The following UTRN variants were observed in gnomAD, a reference collection of about 807,000 sequenced individuals.
UTRN encodes dystrophin-related protein 1.
In UTRN, 283 loss-of-function variants were observed where a neutral mutation model predicts 463.9. The observed-to-expected ratio is 0.61, with a 90% CI of 0.55 to 0.67. UTRN has a LOEUF of 0.67. Ranked by LOEUF, UTRN falls within the 30% of genes least tolerant of loss-of-function variation. The pLI is 0.00. For synonymous variants in UTRN, 1,442 were observed against 1,431.5 expected (o/e 1.01, Z -0.17); for missense variants, 3,922 against 4,084.3 (o/e 0.96, Z 1.08).
At chr6:144,318,515 G>A (rs562291199) in intron 2 of UTRN, among the ~76,000 whole-genome samples, 2 of 152,158 alleles carry the variant, frequency 1.3e-5, no homozygotes, top group South Asian at 4.2e-4. Flanking sequence ...CCAGGCTGGA[G>A]TGCAGTGGCG....
chr6:144,427,626 T>C (rs1288235658), intron 7 of UTRN, among the ~76,000 whole-genome samples: 2 of 152,236 alleles, frequency 1.3e-5, no homozygotes, highest in African/African-American at 2.4e-5. Context: ...TTTAGTGTTT[T>C]ACCATAAGAA....
At chr6:144,603,959 G>A (rs1804543202) in intron 51 of UTRN, among the ~76,000 whole-genome samples, 1 of 152,154 alleles carries the variant, frequency 6.6e-6, no homozygotes, top group Admixed American at 6.5e-5. Context: ...TTGAATTATA[G>A]GGGTGTGTTT....
intron 2 of UTRN, among the ~76,000 whole-genome samples, chr6:144,374,330 G>T (rs569427728): frequency 2.0e-5 from 3 of 152,128 alleles, no homozygotes; most frequent in Middle Eastern, 3.4e-3. Flanking sequence ...GAGACAAAAA[G>T]AGCATGGATG....
intron 2 of UTRN, among the ~76,000 whole-genome samples, chr6:144,332,607 G>A (rs1776415153): frequency 6.6e-6 from 1 of 151,938 alleles, no homozygotes; most frequent in South Asian, 2.1e-4. Flanking sequence ...TGAATATATA[G>A]GGAAGAGAGA....
chr6:144,503,652 G>A (rs1044891508), intron 34 of UTRN, among the ~76,000 whole-genome samples: 3 of 152,106 alleles, frequency 2.0e-5, no homozygotes, highest in African/African-American at 7.2e-5. Context: ...GGTTACTGTA[G>A]CCTGATAGTG....
intron 2 of UTRN, among the ~76,000 whole-genome samples, chr6:144,341,450 A>C (rs1226600045): frequency 6.6e-6 from 1 of 152,070 alleles, no homozygotes; most frequent in African/African-American, 2.4e-5. Flanking sequence ...TAAGGTCTGA[A>C]AAAAAAAGAT....
intron 51 of UTRN, among the ~76,000 whole-genome samples, chr6:144,674,764 G>A (rs1781424842): frequency 6.6e-6 from 1 of 152,056 alleles, no homozygotes; most frequent in Admixed American, 6.5e-5. Context: ...TCACCATGTT[G>A]CCCAGGCAGG....
intron 51 of UTRN, among the ~76,000 whole-genome samples, chr6:144,634,699 C>A (rs1489290582): frequency 6.6e-6 from 1 of 152,174 alleles, no homozygotes; most frequent in African/African-American, 2.4e-5. Flanking sequence ...TTCTCCCTAG[C>A]TGCTGGAAAC....
chr6:144,701,173 C>T (rs757132783), intron 53 of UTRN, among the ~76,000 whole-genome samples: 2 of 152,150 alleles, frequency 1.3e-5, no homozygotes, highest in Non-Finnish European at 2.9e-5. Flanking sequence ...TCCCAAAGTG[C>T]TGGGATTACA....
intron 68 of UTRN, 65 bp downstream of exon 68, chr6:144,827,741 T>C: frequency 6.6e-7 from 1 of 1,520,324 alleles, no homozygotes; most frequent in Non-Finnish European, 9.0e-7. Context: ...GTCTAATTAA[T>C]CTAATATCAT....
chr6:144,635,530 CTTTTCTTTT>C (rs1777065798), intron 51 of UTRN, among the ~76,000 whole-genome samples: 3 of 59,094 alleles, frequency 5.1e-5, no homozygotes, highest in East Asian at 8.6e-4. Context: ...TTTTTTTTTT[CTTTTCTTTT>C]TTTTTTTTTT....
intron 53 of UTRN, among the ~76,000 whole-genome samples, chr6:144,729,724 T>C (rs1305223168): frequency 6.6e-6 from 1 of 152,238 alleles, no homozygotes; most frequent in Non-Finnish European, 1.5e-5. Context: ...AGAGAAACTA[T>C]TCTGAGAATC....
chr6:144,754,070 C>G (rs942277264), intron 56 of UTRN, among the ~76,000 whole-genome samples: 11 of 152,080 alleles, frequency 7.2e-5, no homozygotes, highest in African/African-American at 2.4e-4. Flanking sequence ...CTCTATCCTT[C>G]TAACTATCCA....
rs552901729 is a variant in UTRN, at chr6:144,733,013, T to C, written c.7939+2527T>C. ...CCACCGTGCCCAGCCTAGCATAATA[T>C]TTATTTTAAAAATCTTTGGATCATC... On this transcript the variant is annotated intron_variant, in intron 54 of 74. Transcript: ENST00000367545. Among the ~76,000 whole-genome samples the C allele has an allele frequency of 2.2e-4, 34 of 152,280 alleles. No homozygotes were observed. The South Asian group carries it at 5.6e-3, about 25-fold the overall frequency.
chr6:144,717,264 G>A (rs1786565870), intron 53 of UTRN, among the ~76,000 whole-genome samples: 1 of 152,214 alleles, frequency 6.6e-6, no homozygotes, highest in South Asian at 2.1e-4. Context: ...AGACACCTGA[G>A]TCAAGGTTCT....
At chr6:144,699,375 G>T (rs910816052) in intron 52 of UTRN, among the ~76,000 whole-genome samples, 2 of 151,316 alleles carry the variant, frequency 1.3e-5, no homozygotes, top group African/African-American at 4.9e-5. Flanking sequence ...AGGAGGCAGA[G>T]GTCGCAGTGA....
rs1429187976 is a variant in UTRN at position 144,448,687 on chromosome 6, A to C, written c.1990A>C (p.Thr664Pro). 1 of 1,614,112 alleles carries C rather than the reference A, an allele frequency of 6.2e-7. No homozygotes were observed. Among genetic ancestry groups the C allele is most frequent in the South Asian group, 1.1e-5 (1 of 91,078 alleles). Residue 664 changes from threonine (T) to proline (P), a missense_variant, in exon 17 of 75, where the codon ACA becomes CCA. Thr to Pro is a conservative substitution (Grantham distance 38, BLOSUM62 -1). Around this residue, in one of 3 missense-constraint regions of UTRN, gnomAD observed 2,349 missense variants for 2,303.8 expected, o/e 1.02. Transcript: ENST00000367545. ...ETVRVREQAI[T>P]KKSKQELPPP... ...TGTTCGTGTAAGAGAACAAGCAATT[A>C]CAAAAAAATCTAAGCAGGAACTGCC...
chr6:144,841,676 C>A (rs1781588102), intron 73 of UTRN, among the ~76,000 whole-genome samples: 1 of 152,006 alleles, frequency 6.6e-6, no homozygotes, highest in Non-Finnish European at 1.5e-5. Context: ...TTTAAATAAT[C>A]TTTGACAGGA....
chr6:144,787,330 G>T (rs6913104), intron 61 of UTRN, among the ~76,000 whole-genome samples: 8,505 of 152,172 alleles, frequency 0.056, 600 homozygotes, highest in African/African-American at 0.17. Context: ...TGTGAAACTG[G>T]TGTTTCTGTA....
Sources: allele counts gnomAD v4.1 joint callset (sites outside exome capture counted in the v4.1 genomes callset), GRCh38; gene constraint gnomAD v4.1.1; regional missense constraint gnomAD v4.1.1; transcripts MANE v1.5; gene names NCBI Gene and HGNC (gene_info 2026-07-23, HGNC 2026-07-21).